Variants in NEDD4 observed in about 807,000 individuals in gnomAD.
The protein encoded by NEDD4 is E3 ubiquitin-protein ligase NEDD4.
A neutral mutation model predicts 144.9 loss-of-function variants in NEDD4; 99 were observed. The ratio of observed to expected loss-of-function variants is 0.68; its 90% CI spans 0.58 to 0.81. NEDD4 has a LOEUF of 0.81. NEDD4 is among the 30% of genes least tolerant of loss of function. The pLI, the probability that NEDD4 is intolerant of heterozygous loss-of-function variation, is 0.00. For synonymous variants in NEDD4, 318 were observed against 350.6 expected, an observed-to-expected ratio of 0.91 and a Z score of 1.04; for missense variants, 985 against 1,065.9, an observed-to-expected ratio of 0.92 and a Z score of 1.06.
In NEDD4 at chr15:55,837,866, T is replaced by C; in HGVS notation, c.2202-17A>G. Reference sequence around the variant, plus strand: ...ATTACAAGACTAAAAAGAAACAACATTTCATTTTCATGTGAACCAAGACAA... The same window carrying C: ...ATTACAAGACTAAAAAGAAACAACACTTCATTTTCATGTGAACCAAGACAA... On this transcript the variant is annotated splice_polypyrimidine_tract_variant and intron_variant, in intron 23 of 28. Coordinates refer to ENST00000435532, the MANE Select transcript of NEDD4 (RefSeq NM_006154.4). The C allele has an allele frequency of 6.3e-7, 1 of 1,590,860 alleles. No homozygotes were observed. Among genetic ancestry groups the C allele is most frequent in the South Asian group, 1.1e-5 (1 of 89,186 alleles).
At chr15:55,857,652 A>G (rs1046208068) in intron 11 of NEDD4, among the ~76,000 whole-genome samples, 4 of 152,196 alleles carry the variant, frequency 2.6e-5, no homozygotes, top group African/African-American at 9.7e-5. Flanking sequence ...CCTAAATACA[A>G]TCTCAATTTG....
chr15:55,924,353 A>C (rs1226682054), intron 5 of NEDD4: 1 of 286,546 alleles, frequency 3.5e-6, no homozygotes, highest in Non-Finnish European at 6.7e-6. Flanking sequence ...GGCGAGTGAG[A>C]GGGAAGGCAG....
Position 55,916,615 on chromosome 15 carries a change from A to G in NEDD4, c.291+8031T>C, listed in dbSNP as rs1404374468. On this transcript the variant is annotated intron_variant, in intron 5 of 28. Coordinates refer to ENST00000435532, the MANE Select transcript of NEDD4 (RefSeq NM_006154.4). Reference sequence around the variant, plus strand: ...TTAACATTTTCAGATGAGGGAACAGATGATCTTTCTTGAGACTGAACGTTT... The same window carrying G: ...TTAACATTTTCAGATGAGGGAACAGGTGATCTTTCTTGAGACTGAACGTTT... 6 of 1,613,946 alleles carry G rather than the reference A, an allele frequency of 3.7e-6. No homozygotes were observed. The African/African-American group carries it at 5.3e-5, about 14-fold the overall frequency.
chr15:55,889,347 T>C (rs536121600), intron 5 of NEDD4, among the ~76,000 whole-genome samples: 1 of 152,180 alleles, frequency 6.6e-6, no homozygotes, highest in East Asian at 1.9e-4. Context: ...AACAGACATA[T>C]AAAGAAAATA....
rs1196599377 is a variant in NEDD4, at chr15:55,828,772, ATAGTAAACAG to A, written c.*1115_*1124del. On this transcript the variant is annotated 3_prime_UTR_variant, in exon 29 of 29. Coordinates refer to ENST00000435532, the MANE Select transcript of NEDD4 (RefSeq NM_006154.4). Reference sequence around the variant, plus strand: ...ATTTGTAATTAAAAACATTGTCTTCATAGTAAACAGTATTTTAAAAGGCATAAGAAATAGT... The same window carrying A: ...ATTTGTAATTAAAAACATTGTCTTCATATTTTAAAAGGCATAAGAAATAGT... 3.9e-5 allele frequency: 6 copies of A among 152,784 alleles called. No individual in the cohort carries two copies. The highest frequency in any genetic ancestry group is 2.6e-4 in the Admixed American group (4 of 15,302). 9.5% of individuals were successfully genotyped at this position (152,784 alleles called of 1,614,324 possible). A position where few individuals can be genotyped will look rare whatever the true frequency, so the allele number is the denominator to read the frequency against.
intron 2 of NEDD4, among the ~76,000 whole-genome samples, chr15:55,954,056 T>C (rs1655258205): frequency 6.6e-6 from 1 of 151,850 alleles, no homozygotes. Flanking sequence ...TTCAAAACCC[T>C]ACAGTCTGGT....
chr15:55,910,026 C>A (rs1458645729), intron 5 of NEDD4, among the ~76,000 whole-genome samples: 2 of 152,152 alleles, frequency 1.3e-5, no homozygotes, highest in Non-Finnish European at 2.9e-5. Flanking sequence ...ACTCATCATA[C>A]TTGCTTATTC....
intron 5 of NEDD4, among the ~76,000 whole-genome samples, chr15:55,883,278 T>G (rs543580173): frequency 6.6e-6 from 1 of 151,732 alleles, no homozygotes. Context: ...GTGGCAGGAG[T>G]GGCCACGGAG....
At chr15:55,890,426 G>C (rs1278296028) in intron 5 of NEDD4, among the ~76,000 whole-genome samples, 12 of 152,068 alleles carry the variant, frequency 7.9e-5, no homozygotes, top group African/African-American at 2.9e-4. Flanking sequence ...GCCTATTCTG[G>C]ATATTTCATA....
At chr15:55,889,292 A>C (rs1250786862) in intron 5 of NEDD4, among the ~76,000 whole-genome samples, 13 of 152,226 alleles carry the variant, frequency 8.5e-5, no homozygotes, top group Non-Finnish European at 1.9e-4. Context: ...ATATTTCAGC[A>C]CTGTTCACAA....
At chr15:55,863,821 A>C (rs540371113) in intron 8 of NEDD4, among the ~76,000 whole-genome samples, 1 of 152,362 alleles carries the variant, frequency 6.6e-6, no homozygotes, top group African/African-American at 2.4e-5. Context: ...ACATGGAAAA[A>C]ATCATTTGAT....
intron 12 of NEDD4, among the ~76,000 whole-genome samples, 181 bp from the exon 13 acceptor site, chr15:55,852,724 T>TATATATATATATATATA (rs1566910889): frequency 4.7e-5 from 6 of 128,720 alleles, no homozygotes; most frequent in African/African-American, 1.7e-4. Context: ...TATATATATA[T>TATATATATATATATATA]TTACCTTTTC....
chr15:55,937,702 G>A (rs1415014740), intron 4 of NEDD4, among the ~76,000 whole-genome samples: 11 of 152,178 alleles, frequency 7.2e-5, no homozygotes, highest in African/African-American at 2.4e-4. Flanking sequence ...GACATCCTGT[G>A]TTCATGGATT....
chr15:55,981,283 TG>T (rs1466420290), intron 1 of NEDD4, among the ~76,000 whole-genome samples: 2 of 152,144 alleles, frequency 1.3e-5, no homozygotes, highest in Non-Finnish European at 2.9e-5. Flanking sequence ...CAGGCTGGTC[TG>T]GAACTCCTGA....
intron 4 of NEDD4, among the ~76,000 whole-genome samples, chr15:55,927,132 A>AT (rs1361027890): frequency 1.3e-4 from 20 of 149,468 alleles, no homozygotes; most frequent in East Asian, 1.2e-3. Context: ...GTGTAAGATG[A>AT]TTTTTTTTCA....
chr15:55,930,075 C>G (rs2036750352), intron 4 of NEDD4, among the ~76,000 whole-genome samples: 1 of 152,056 alleles, frequency 6.6e-6, no homozygotes, highest in Non-Finnish European at 1.5e-5. Flanking sequence ...AAAGAATTAA[C>G]CCCTAATGCC....
At chr15:55,897,731 T>C (rs2035783586) in intron 5 of NEDD4, among the ~76,000 whole-genome samples, 1 of 152,220 alleles carries the variant, frequency 6.6e-6, no homozygotes, top group South Asian at 2.1e-4. Flanking sequence ...GCCTTGACTG[T>C]GGCTTATGTT....
At chr15:55,914,653 G>A (rs2036378530) in intron 5 of NEDD4, among the ~76,000 whole-genome samples, 1 of 151,836 alleles carries the variant, frequency 6.6e-6, no homozygotes, top group African/African-American at 2.4e-5. Flanking sequence ...AATTCCTGTG[G>A]TTAAGGGTAT....
At chr15:55,927,401 A>C (rs2036696091) in intron 4 of NEDD4, among the ~76,000 whole-genome samples, 1 of 152,048 alleles carries the variant, frequency 6.6e-6, no homozygotes. Context: ...ACCAGGCTCA[A>C]GCAATCCTCC....
Sources: gnomAD v4.1 joint callset for allele counts (sites outside exome capture counted in the v4.1 genomes callset) on GRCh38, gnomAD v4.1.1 for gene constraint, MANE v1.5 for transcripts, NCBI Gene and HGNC (gene_info 2026-07-23, HGNC 2026-07-21) for gene names.